Variants in TMEM178B observed in about 807,000 individuals in gnomAD.
TMEM178B encodes the protein transmembrane protein 178B.
TMEM178B carries 5 observed loss-of-function variants against 31.0 expected under a neutral mutation model. That is an observed-to-expected ratio of 0.16 (90% CI 0.08 to 0.34). The LOEUF (loss-of-function observed/expected upper bound fraction) is 0.34, where lower values mean the gene tolerates loss of function less well. Among genes scored for constraint, TMEM178B ranks in the 10% least tolerant of loss-of-function variants. TMEM178B has a pLI of 1.00. For missense variants in TMEM178B, 275 were observed against 400.3 expected (o/e 0.69, Z 2.67); for synonymous variants, 164 against 164.0 (o/e 1.00, Z 0.00).
chr7:141,438,696 TAAAAAAAAAAAAAAAAAA>T (rs869132131), intron 3 of TMEM178B, among the ~76,000 whole-genome samples: 1 of 28,990 alleles, frequency 3.4e-5, no homozygotes, highest in East Asian at 9.0e-4. Context: ...CCGTCTCTAC[TAAAAAAAAAAAAAAAAAA>T]AAAAAAAAAA....
intron 2 of TMEM178B, among the ~76,000 whole-genome samples, chr7:141,303,478 C>G (rs779403393): frequency 6.6e-6 from 1 of 152,204 alleles, no homozygotes; most frequent in Non-Finnish European, 1.5e-5. Context: ...TCCTGCTGCC[C>G]GGACAGGGCT....
chr7:141,103,452 C>T (rs1795091014), intron 1 of TMEM178B, among the ~76,000 whole-genome samples: 1 of 152,166 alleles, frequency 6.6e-6, no homozygotes, highest in African/African-American at 2.4e-5. Flanking sequence ...TTCACTTTGC[C>T]TCTATTGGAG....
chr7:141,494,613 T>C, the TMEM178B span, among the ~76,000 whole-genome samples: 1 of 152,174 alleles, frequency 6.6e-6, no homozygotes, highest in Admixed American at 6.6e-5. Flanking sequence ...ATATTAAAAA[T>C]TATTGTTCAG....
chr7:141,124,812 G>T (rs1795463485), intron 1 of TMEM178B, among the ~76,000 whole-genome samples: 1 of 152,144 alleles, frequency 6.6e-6, no homozygotes, highest in African/African-American at 2.4e-5. Flanking sequence ...CATACACTGT[G>T]TGAAATAAAA....
chr7:141,268,120 T>A (rs1410027195), intron 2 of TMEM178B, among the ~76,000 whole-genome samples: 1 of 151,814 alleles, frequency 6.6e-6, no homozygotes, highest in African/African-American at 2.4e-5. Context: ...TCTAATTTTG[T>A]TTTTTTTGCA....
At chr7:141,387,996 C>G (rs1423195172) in intron 2 of TMEM178B, among the ~76,000 whole-genome samples, 1 of 152,236 alleles carries the variant, frequency 6.6e-6, no homozygotes, top group Admixed American at 6.5e-5. Context: ...GCTCTGGCTG[C>G]CAAGCCGCAC....
At chr7:141,351,424 C>T (rs1799720128) in intron 2 of TMEM178B, among the ~76,000 whole-genome samples, 1 of 152,226 alleles carries the variant, frequency 6.6e-6, no homozygotes, top group Non-Finnish European at 1.5e-5. Flanking sequence ...GGCTTGTTTA[C>T]ATGGCAGTTT....
chr7:141,317,928 T>C (rs549382759), intron 2 of TMEM178B, among the ~76,000 whole-genome samples: 1 of 152,194 alleles, frequency 6.6e-6, no homozygotes, highest in East Asian at 1.9e-4. Context: ...CTTGCCAATA[T>C]CCACAAGTGT....
chr7:141,312,001 G>A (rs1798918007), intron 2 of TMEM178B, among the ~76,000 whole-genome samples: 1 of 152,220 alleles, frequency 6.6e-6, no homozygotes, highest in Non-Finnish European at 1.5e-5. Context: ...GGTTGAAAGA[G>A]AGAAAGATGA....
At chr7:141,157,052 A>C (rs1164311758) in intron 1 of TMEM178B, among the ~76,000 whole-genome samples, 1 of 152,152 alleles carries the variant, frequency 6.6e-6, no homozygotes, top group Non-Finnish European at 1.5e-5. Context: ...GACGACCCTG[A>C]GTATATCCTT....
chr7:141,223,340 A>G (rs1246312224), intron 2 of TMEM178B, among the ~76,000 whole-genome samples: 1 of 151,936 alleles, frequency 6.6e-6, no homozygotes, highest in Non-Finnish European at 1.5e-5. Context: ...CATAGATTGG[A>G]TTATGGGATT....
chr7:141,252,173 C>A (rs1797843934), intron 2 of TMEM178B, among the ~76,000 whole-genome samples: 1 of 152,108 alleles, frequency 6.6e-6, no homozygotes, highest in African/African-American at 2.4e-5. Flanking sequence ...GACCTATTGT[C>A]CAGAGGATCT....
At chr7:141,076,834 A>G (rs1586754915) in intron 1 of TMEM178B, among the ~76,000 whole-genome samples, 1 of 152,162 alleles carries the variant, frequency 6.6e-6, no homozygotes, top group South Asian at 2.1e-4. Flanking sequence ...ATCGCCCAAA[A>G]TACAGCAATC....
chr7:141,165,991 C>T (rs1030895827), intron 1 of TMEM178B, among the ~76,000 whole-genome samples: 5 of 152,170 alleles, frequency 3.3e-5, no homozygotes, highest in East Asian at 1.9e-4. Flanking sequence ...ATGAGACAGC[C>T]GTGGAAATGT....
intron 2 of TMEM178B, among the ~76,000 whole-genome samples, chr7:141,311,084 C>T (rs763806592): frequency 1.3e-5 from 2 of 152,106 alleles, no homozygotes; most frequent in East Asian, 1.9e-4. Flanking sequence ...CACTTATGAG[C>T]GGGAGCTGAA....
chr7:141,496,533 A>G, the TMEM178B span, among the ~76,000 whole-genome samples: 2 of 141,370 alleles, frequency 1.4e-5, no homozygotes, highest in South Asian at 2.1e-4. Context: ...AGCCAGGTGT[A>G]GTGGCGGGCG....
chr7:141,391,538 A>G (rs772458306), intron 2 of TMEM178B, among the ~76,000 whole-genome samples: 4 of 152,164 alleles, frequency 2.6e-5, no homozygotes, highest in South Asian at 2.1e-4. Context: ...TTAAATATAC[A>G]TAAGATTTAC....
At chr7:141,484,442 G>A (rs547733230), downstream of TMEM178B, among the ~76,000 whole-genome samples, 418 of 152,274 alleles carry the variant, frequency 2.7e-3, 4 homozygotes, top group African/African-American at 7.9e-3. This position sits in a 1 kb window ranked among gnomAD's most constrained non-coding sequence, Gnocchi z 4.8. Flanking sequence ...CTACTGAATC[G>A]AAATCTTCAT....
chr7:141,220,986 A>C (rs1403695480), intron 2 of TMEM178B, among the ~76,000 whole-genome samples: 2 of 152,204 alleles, frequency 1.3e-5, no homozygotes, highest in Non-Finnish European at 2.9e-5. Flanking sequence ...TTGTTGCTTA[A>C]TGTTTAAACA....
Sources: allele counts gnomAD v4.1 joint callset (sites outside exome capture counted in the v4.1 genomes callset), GRCh38; gene constraint gnomAD v4.1.1; non-coding constraint Gnocchi (gnomAD v3.1); transcripts MANE v1.5; gene names NCBI Gene and HGNC (gene_info 2026-07-23, HGNC 2026-07-21).